The following MORC3 variants were observed in gnomAD, a reference collection of about 807,000 sequenced individuals.
MORC3 encodes the protein MORC family CW-type zinc finger protein 3.
A neutral mutation model predicts 109.1 loss-of-function variants in MORC3; 31 were observed. The ratio of observed to expected loss-of-function variants is 0.28; its 90% confidence interval spans 0.21 to 0.38. The LOEUF (loss-of-function observed/expected upper bound fraction) is 0.38. Ranked by LOEUF, MORC3 falls within the 10% of genes least tolerant of loss-of-function variation. The pLI is 1.00. For synonymous variants in MORC3, 395 were observed against 380.7 expected (o/e 1.04, Z -0.44); for missense variants, 867 against 1,135.8 (o/e 0.76, Z 3.40).
intron 1 of MORC3, among the ~76,000 whole-genome samples, chr21:36,326,695 G>A (rs2085251080): frequency 6.6e-6 from 1 of 152,096 alleles, no homozygotes; most frequent in Admixed American, 6.6e-5. Context: ...TATTTGACTT[G>A]TGACTGCCTT....
chr21:36,366,459 C>G (rs1376889667), intron 14 of MORC3, among the ~76,000 whole-genome samples: 1 of 151,890 alleles, frequency 6.6e-6, no homozygotes, highest in African/African-American at 2.4e-5. Context: ...TTTGATTAAA[C>G]AACTTTTTTT....
rs1042882724 is a variant in MORC3, at chr21:36,343,051, A to G, written c.756+1505A>G. Among the ~76,000 whole-genome samples the G allele has an allele frequency of 5.9e-5, 9 of 151,314 alleles. No homozygotes were observed. The East Asian group carries it at 1.8e-3, about 31-fold the overall frequency. On this transcript the variant is annotated intron_variant, in intron 6 of 16. Coordinates refer to ENST00000400485, the MANE Select transcript of MORC3 (RefSeq NM_015358.3). ...TAAAAATAAAAAAAAGATTGGAGAA[A>G]TTAATATCTTGATATAATAATGTCG... is the stretch of plus-strand genomic sequence containing the variant.
At chr21:36,358,913 T>C (rs1434303347) in intron 10 of MORC3, among the ~76,000 whole-genome samples, 1 of 152,104 alleles carries the variant, frequency 6.6e-6, no homozygotes, top group Non-Finnish European at 1.5e-5. Context: ...TCTCCTGACC[T>C]CATGATCCAC....
intron 10 of MORC3, among the ~76,000 whole-genome samples, chr21:36,357,654 T>A (rs1405591762): frequency 6.6e-6 from 1 of 151,440 alleles, no homozygotes; most frequent in African/African-American, 2.4e-5. Flanking sequence ...AGACAAGGAG[T>A]TTATAAAGTA....
At chr21:36,345,413 G>T (rs946254056) in intron 8 of MORC3, among the ~76,000 whole-genome samples, 23 of 150,874 alleles carry the variant, frequency 1.5e-4, no homozygotes, top group Middle Eastern at 3.4e-3. Context: ...ACCACGCCTG[G>T]TTTTTTTTGT....
Position 36,375,209 on chromosome 21 carries a change from T to A in MORC3, c.2733T>A (p.Asp911Glu), listed in dbSNP as rs780287680. ...QLLAMIVPDL[D>E]LQQVNYDVDV... The stretch of plus-strand genomic sequence containing the variant: ...TGGCTATGATTGTGCCTGATCTTGA[T>A]CTTCAGCAAGTGAATTACGATGTTG... The change falls in exon 17 of 17, where the codon GAT (aspartate) becomes GAA (glutamate). Residue 911 changes from aspartate to glutamate, a missense_variant. Coordinates refer to ENST00000400485, the MANE Select transcript of MORC3 (RefSeq NM_015358.3). The A allele has an allele frequency of 2.0e-5, 32 of 1,613,904 alleles. No individual in the cohort carries two copies. The highest frequency in any genetic ancestry group is 1.7e-6 in the Non-Finnish European group (2 of 1,179,912).
intron 8 of MORC3, among the ~76,000 whole-genome samples, chr21:36,347,624 C>A (rs988222674): frequency 6.6e-6 from 1 of 152,168 alleles, no homozygotes; most frequent in East Asian, 1.9e-4. Context: ...TGGTAAAATA[C>A]AGAGCATGCC....
intron 12 of MORC3, chr21:36,360,579 A>G (rs747757728): frequency 2.4e-5 from 8 of 337,814 alleles, no homozygotes; most frequent in South Asian, 6.9e-5. Context: ...GAGGTGATAC[A>G]TGAATTTTAC....
intron 1 of MORC3, among the ~76,000 whole-genome samples, chr21:36,323,295 CAT>C (rs2085212544): frequency 2.0e-5 from 3 of 152,328 alleles, no homozygotes; most frequent in South Asian, 2.1e-4. Context: ...AATCCTGACT[CAT>C]AACCAGATGT....
intron 9 of MORC3, 86 bp from the exon 10 acceptor site, chr21:36,356,534 C>T (rs2085647211): frequency 2.7e-6 from 2 of 735,596 alleles, no homozygotes; most frequent in African/African-American, 1.8e-5. Flanking sequence ...TTTTTCTCTT[C>T]ACAGTGTCTA....
chr21:36,343,908 A>T (rs1464399540), intron 6 of MORC3, among the ~76,000 whole-genome samples: 1 of 152,148 alleles, frequency 6.6e-6, no homozygotes, highest in Non-Finnish European at 1.5e-5. Flanking sequence ...CTAAAATAGT[A>T]AATAGCAGAT....
Position 36,369,404 on chromosome 21 carries a change from A to C in MORC3, c.2036A>C (p.His679Pro). The C allele has an allele frequency of 1.9e-6, 3 of 1,614,186 alleles. No homozygotes were observed. Among genetic ancestry groups the C allele is most frequent in the South Asian group, 1.1e-5 (1 of 91,082 alleles). The change falls in exon 15 of 17, where the codon CAT becomes CCT. Residue 679 changes from histidine (H) to proline (P), a missense_variant. By Grantham distance (77) the His-to-Pro change is moderately conservative. Around this residue, in one of 7 missense-constraint regions of MORC3, gnomAD observed 486 missense variants for 502.1 expected, o/e 0.97. Transcript: ENST00000400485. ...PSCVEAEAKI[H>P]ETQETTDKSA... The stretch of plus-strand genomic sequence containing the variant: ...TGTGTAGAAGCTGAAGCAAAGATAC[A>C]TGAAACCCAGGAAACCACCGATAAA...
At chr21:36,345,537 T>G (rs1206567572) in intron 8 of MORC3, among the ~76,000 whole-genome samples, 2 of 151,922 alleles carry the variant, frequency 1.3e-5, no homozygotes, top group East Asian at 3.9e-4. Context: ...TTCTCCTGCC[T>G]CAGCCTTCCA....
chr21:36,365,591 A>AT (rs1319694012), intron 14 of MORC3, among the ~76,000 whole-genome samples: 1 of 151,956 alleles, frequency 6.6e-6, no homozygotes, highest in Admixed American at 6.6e-5. Context: ...TCCTTTCTTT[A>AT]TTTTTTTGAG....
At chr21:36,323,546 A>T (rs2085215763) in intron 1 of MORC3, among the ~76,000 whole-genome samples, 1 of 152,140 alleles carries the variant, frequency 6.6e-6, no homozygotes, top group African/African-American at 2.4e-5. Context: ...TAGCTTCCTG[A>T]AAAAAGGGTT....
chr21:36,334,773 G>C (rs1183313043), intron 2 of MORC3, among the ~76,000 whole-genome samples: 1 of 152,210 alleles, frequency 6.6e-6, no homozygotes, highest in Non-Finnish European at 1.5e-5. Flanking sequence ...CAATGAACGT[G>C]AGAAAGCGGC....
intron 9 of MORC3, among the ~76,000 whole-genome samples, chr21:36,355,799 A>T (rs190436347): frequency 1.3e-5 from 2 of 152,102 alleles, no homozygotes; most frequent in Non-Finnish European, 2.9e-5. Context: ...AATGAAAAAA[A>T]AAAAAAATTA....
rs371203764 is a variant in MORC3 at position 36,373,149 on chromosome 21, G to C, written c.2666+618G>C. On this transcript the variant is annotated intron_variant, in intron 16 of 16. Coordinates refer to ENST00000400485, the MANE Select transcript of MORC3 (RefSeq NM_015358.3). ...GAGGTCAGGAGTTCAAGACCAGCCT[G>C]GCCAACATGGTGAAACCCTGTCTCT... Among the ~76,000 whole-genome samples the C allele has an allele frequency of 5.3e-5, 8 of 152,250 alleles. No individual in the cohort carries two copies. The East Asian group carries it at 9.7e-4, about 18-fold the overall frequency.
At chr21:36,323,620 T>C (rs192150979) in intron 1 of MORC3, among the ~76,000 whole-genome samples, 1 of 152,330 alleles carries the variant, frequency 6.6e-6, no homozygotes, top group Admixed American at 6.5e-5. Flanking sequence ...GCTCTTTCTT[T>C]AATTATAATT....
Sources: gnomAD v4.1 joint callset for allele counts (sites outside exome capture counted in the v4.1 genomes callset) on GRCh38, gnomAD v4.1.1 for gene constraint, gnomAD v4.1.1 regional missense constraint, MANE v1.5 for transcripts, NCBI Gene and HGNC (gene_info 2026-07-23, HGNC 2026-07-21) for gene names.